GAS7: variants seen among roughly 807,000 people sequenced by gnomAD.
GAS7 encodes the protein growth arrest specific 7, also known as growth arrest-specific protein 7.
A neutral mutation model predicts 71.1 loss-of-function variants in GAS7; 28 were observed. The observed-to-expected ratio is 0.39, with a 90% CI of 0.29 to 0.54. The LOEUF is 0.54. Among genes scored for constraint, GAS7 ranks in the 20% least tolerant of loss-of-function variants. The pLI is 0.62. For missense variants in GAS7, 436 were observed against 627.8 expected (o/e 0.69, Z 3.27); for synonymous variants, 258 against 245.8 (o/e 1.05, Z -0.46).
intron 4 of GAS7, among the ~76,000 whole-genome samples, chr17:9,964,934 G>T (rs1224921973): frequency 1.3e-5 from 2 of 152,084 alleles, no homozygotes; most frequent in Non-Finnish European, 2.9e-5. Flanking sequence ...TGCTCCAATG[G>T]GTCCCTCAAG....
At chr17:9,984,976 C>G (rs7219090) in intron 2 of GAS7, among the ~76,000 whole-genome samples, 46,308 of 151,764 alleles carry the variant, frequency 0.31, 7,327 homozygotes, top group Middle Eastern at 0.36. Context: ...TTCACATCCA[C>G]AGAGTCAAGA....
intron 2 of GAS7, among the ~76,000 whole-genome samples, chr17:9,986,027 C>CTCA (rs1338598649): frequency 1.3e-5 from 2 of 152,216 alleles, no homozygotes; most frequent in African/African-American, 4.8e-5. Flanking sequence ...TTGTCCATCC[C>CTCA]TCAGACAGCT....
chr17:10,177,823 T>C (rs1229361853), intron 1 of GAS7, among the ~76,000 whole-genome samples: 1 of 152,148 alleles, frequency 6.6e-6, no homozygotes, highest in African/African-American at 2.4e-5. Context: ...ATTTACACCT[T>C]CTACTGCTTC....
At chr17:9,968,937 T>G (rs957363704) in intron 4 of GAS7, among the ~76,000 whole-genome samples, 1 of 152,210 alleles carries the variant, frequency 6.6e-6, no homozygotes, top group South Asian at 2.1e-4. Context: ...GAAGCTTCAT[T>G]AAGAACATCT....
rs970195252 is a variant in GAS7, at chr17:10,190,482, A to T, written c.183+7726T>A. ...CCTGTAATAGCTACTCAGGAGGCTG[A>T]GGCAGGAGAATCGCTTGAACCCAGG... On this transcript the variant is annotated intron_variant, in intron 1 of 13. Transcript: ENST00000432992. Among the ~76,000 whole-genome samples, 6 of 151,768 alleles carry T rather than the reference A, an allele frequency of 4.0e-5. No individual in the cohort carries two copies. The East Asian group carries it at 1.2e-3, about 29-fold the overall frequency.
chr17:10,095,782 A>G (rs2073635257), intron 1 of GAS7, among the ~76,000 whole-genome samples: 1 of 149,780 alleles, frequency 6.7e-6, no homozygotes, highest in South Asian at 2.1e-4. Flanking sequence ...CAGCCTGGTG[A>G]CAGAGCGAGA....
chr17:10,068,910 T>C (rs2073311272), intron 1 of GAS7, among the ~76,000 whole-genome samples: 1 of 152,104 alleles, frequency 6.6e-6, no homozygotes, highest in Admixed American at 6.5e-5. Context: ...GCCTAATTCC[T>C]CCAGCAGTGA....
In GAS7 at chr17:9,929,158, G is replaced by A. The variant is rs781158134; in HGVS notation, c.886-2389C>T. ...TGAGTAGGAGCAGCTGTACGACTCC[G>A]GGAATCTGGGAGAGTTAGCTCAGCC... On this transcript the variant is annotated intron_variant, in intron 9 of 13. Coordinates refer to ENST00000432992, the MANE Select transcript of GAS7 (RefSeq NM_201433.2). 2.4e-4 allele frequency among the ~76,000 whole-genome samples: 37 copies of A among 152,136 alleles called. 1 individual carries two copies. Among genetic ancestry groups the A allele is most frequent in the Admixed American group, 1.0e-3 (16 of 15,270 alleles).
At chr17:10,196,054 C>A (rs1304474517) in intron 1 of GAS7, among the ~76,000 whole-genome samples, 3 of 152,166 alleles carry the variant, frequency 2.0e-5, no homozygotes, top group Non-Finnish European at 2.9e-5. Context: ...CAGCTGTCCT[C>A]GTTTTAGCCC....
intron 4 of GAS7, among the ~76,000 whole-genome samples, chr17:9,965,985 C>A (rs1369837392): frequency 4.0e-5 from 6 of 150,920 alleles, no homozygotes; most frequent in African/African-American, 7.3e-5. Context: ...CCGACACCCA[C>A]CCCCCAAAAT....
intron 2 of GAS7, among the ~76,000 whole-genome samples, chr17:10,011,481 A>G (rs2071770545): frequency 6.6e-6 from 1 of 152,150 alleles, no homozygotes. Flanking sequence ...GCCCTTCCAG[A>G]AGTGAACATA....
At chr17:9,925,327 G>C (rs2067958915) in intron 11 of GAS7, 149 bp downstream of exon 11, 2 of 767,444 alleles carry the variant, frequency 2.6e-6, no homozygotes, top group Admixed American at 4.1e-5. Context: ...GAAGGGAAGA[G>C]GGGGTACCTC....
intron 1 of GAS7, among the ~76,000 whole-genome samples, chr17:10,042,419 G>A (rs2072885960): frequency 6.6e-6 from 1 of 152,048 alleles, no homozygotes; most frequent in African/African-American, 2.4e-5. Flanking sequence ...GCAGTCTCTA[G>A]GGTACAGGGT....
chr17:9,985,528 T>C (rs1240047863), intron 2 of GAS7, among the ~76,000 whole-genome samples: 2 of 152,222 alleles, frequency 1.3e-5, no homozygotes, highest in Admixed American at 6.5e-5. Flanking sequence ...CTAAAATGTC[T>C]CTTCCACCAT....
chr17:9,940,255 C>A (rs2068554667), intron 7 of GAS7, 55 bp from the exon 8 acceptor site: 5 of 1,220,754 alleles, frequency 4.1e-6, no homozygotes, highest in South Asian at 2.4e-5. Context: ...GATCGTGGGT[C>A]TGCCCTGCTG....
At chr17:10,046,748 AG>A (rs1271287802) in intron 1 of GAS7, among the ~76,000 whole-genome samples, 1 of 136,988 alleles carries the variant, frequency 7.3e-6, no homozygotes, top group African/African-American at 3.2e-5. Context: ...AAAAAAAAAA[AG>A]AAAAGAAAAG....
chr17:10,151,008 A>G (rs1024371), intron 1 of GAS7, among the ~76,000 whole-genome samples: 114,232 of 152,098 alleles, frequency 0.75, 43,357 homozygotes, highest in African/African-American at 0.87. Flanking sequence ...GTAGAACCTA[A>G]CGCATGAAGT....
At chr17:9,918,357 G>A (rs765736330) in intron 12 of GAS7, among the ~76,000 whole-genome samples, 2 of 152,314 alleles carry the variant, frequency 1.3e-5, no homozygotes, top group South Asian at 2.1e-4. Flanking sequence ...AACTGTCCTC[G>A]TTACAATTTT....
rs141499774 is a variant in GAS7 at position 10,103,085 on chromosome 17, C to T, written c.184-83188G>A. On this transcript the variant is annotated intron_variant, in intron 1 of 13. Transcript: ENST00000432992. This position sits in a 1 kb window ranked among gnomAD's most constrained non-coding sequence, Gnocchi z 5.5. Reference sequence around the variant, plus strand: ...AACAAACCCTGACCGGACGTAGTGGCTCACACCTGTAATCCCAGCATTTTG... The same window carrying T: ...AACAAACCCTGACCGGACGTAGTGGTTCACACCTGTAATCCCAGCATTTTG... Among the ~76,000 whole-genome samples the T allele has an allele frequency of 2.4e-3, 358 of 152,266 alleles. 2 individuals are homozygous for T. The highest frequency in any genetic ancestry group is 8.3e-3 in the African/African-American group (343 of 41,538).
Sources: allele counts gnomAD v4.1 joint callset (sites outside exome capture counted in the v4.1 genomes callset), GRCh38; gene constraint gnomAD v4.1.1; non-coding constraint Gnocchi (gnomAD v3.1); transcripts MANE v1.5; gene names NCBI Gene and HGNC (gene_info 2026-07-23, HGNC 2026-07-21).